RSRC1: variants seen among roughly 807,000 people sequenced by gnomAD.
The protein encoded by RSRC1 is arginine and serine rich coiled-coil 1, also known as serine/Arginine-related protein 53.
Under a neutral mutation model 49.1 loss-of-function variants are expected in RSRC1, and 39 were observed. That is an observed-to-expected ratio of 0.79 (90% CI 0.61 to 1.04). RSRC1 has a LOEUF of 1.04. Among genes scored for constraint, RSRC1 ranks in the 50% least tolerant of loss-of-function variants. The pLI, the probability that RSRC1 is intolerant of heterozygous loss-of-function variation, is 0.00. For missense variants in RSRC1, 388 were observed against 402.4 expected, an observed-to-expected ratio of 0.96 and a Z score of 0.31; for synonymous variants, 143 against 130.8, an observed-to-expected ratio of 1.09 and a Z score of -0.63.
chr3:158,386,879 G>T (rs1732997123), intron 6 of RSRC1, among the ~76,000 whole-genome samples: 1 of 149,352 alleles, frequency 6.7e-6, no homozygotes. Context: ...TCATCGAAAA[G>T]AATGGCTTTA....
chr3:158,120,136 T>C (rs1290470705), intron 1 of RSRC1, among the ~76,000 whole-genome samples: 1 of 152,178 alleles, frequency 6.6e-6, no homozygotes, highest in African/African-American at 2.4e-5. Context: ...GCCACTTTCA[T>C]AGTCATTTTA....
At chr3:158,332,068 A>G (rs373082112) in intron 5 of RSRC1, among the ~76,000 whole-genome samples, 6 of 152,226 alleles carry the variant, frequency 3.9e-5, no homozygotes, top group Admixed American at 1.3e-4. Context: ...ACTAGCAAGA[A>G]AGAGAGAGGG....
At chr3:158,209,201 G>A (rs777942495) in intron 4 of RSRC1, among the ~76,000 whole-genome samples, 21 of 152,194 alleles carry the variant, frequency 1.4e-4, no homozygotes, top group Admixed American at 2.6e-4. Context: ...TTGCGGCAGT[G>A]TTGGGAGGTG....
chr3:158,439,060 A>T (rs528770512), intron 6 of RSRC1, among the ~76,000 whole-genome samples: 13 of 152,140 alleles, frequency 8.5e-5, no homozygotes, highest in Non-Finnish European at 1.8e-4. Flanking sequence ...GACACATGAA[A>T]AAATGCTCAT....
intron 7 of RSRC1, among the ~76,000 whole-genome samples, chr3:158,497,389 T>G (rs1739382115): frequency 6.6e-6 from 1 of 151,180 alleles, no homozygotes; most frequent in Non-Finnish European, 1.5e-5. Context: ...TAGTCTTCTA[T>G]CCCTTGCCCC....
intron 3 of RSRC1, among the ~76,000 whole-genome samples, chr3:158,145,506 G>C (rs537445510): frequency 1.9e-4 from 29 of 152,188 alleles, no homozygotes; most frequent in South Asian, 8.3e-4. Context: ...TGTTTTGGTA[G>C]CAGTACCATG....
rs189024303 is a variant in RSRC1 at position 158,323,262 on chromosome 3, G to C, written c.531+25187G>C. Among the ~76,000 whole-genome samples, 355 of 152,186 alleles carry C rather than the reference G, an allele frequency of 2.3e-3. 4 individuals are homozygous for C. The highest frequency in any genetic ancestry group is 1.2e-3 in the Non-Finnish European group (80 of 68,004). Reference sequence around the variant, plus strand: ...TCAGCTTGGATTTTGAGTGTTTATTGATATTGTCTGCTTTTTTAGCATGGC... The same window carrying C: ...TCAGCTTGGATTTTGAGTGTTTATTCATATTGTCTGCTTTTTTAGCATGGC... On this transcript the variant is annotated intron_variant, in intron 5 of 9. Transcript: ENST00000611884.
intron 7 of RSRC1, among the ~76,000 whole-genome samples, chr3:158,521,642 C>T (rs1197809921): frequency 1.3e-5 from 2 of 152,080 alleles, no homozygotes; most frequent in Non-Finnish European, 1.5e-5. Context: ...ACTTAGAGCA[C>T]TAATATTCAC....
intron 3 of RSRC1, among the ~76,000 whole-genome samples, chr3:158,128,823 C>T (rs1473044909): frequency 2.0e-5 from 3 of 152,136 alleles, no homozygotes; most frequent in African/African-American, 7.2e-5. Context: ...ATGACTTTGG[C>T]ACTTTTGAGG....
intron 6 of RSRC1, among the ~76,000 whole-genome samples, chr3:158,444,318 C>T (rs1736561921): frequency 6.6e-6 from 1 of 152,038 alleles, no homozygotes. Context: ...AGATATAGAC[C>T]AATGGAACAG....
intron 5 of RSRC1, among the ~76,000 whole-genome samples, chr3:158,345,947 C>T (rs1181665907): frequency 6.6e-6 from 1 of 151,504 alleles, no homozygotes; most frequent in Non-Finnish European, 1.5e-5. Flanking sequence ...GGTGCTGGAA[C>T]AATTGGATAG....
chr3:158,453,395 T>C (rs76298878), intron 6 of RSRC1, among the ~76,000 whole-genome samples: 2 of 151,708 alleles, frequency 1.3e-5, no homozygotes, highest in Non-Finnish European at 2.9e-5. Context: ...TTTTTTTTTT[T>C]TTCGAGTCGG....
chr3:158,239,791 G>A (rs1434103858), intron 4 of RSRC1, among the ~76,000 whole-genome samples: 2 of 151,822 alleles, frequency 1.3e-5, no homozygotes, highest in African/African-American at 4.8e-5. Flanking sequence ...TTAATTCTTT[G>A]GTCAGATATG....
chr3:158,422,399 G>A (rs1319720747), intron 6 of RSRC1, among the ~76,000 whole-genome samples: 23 of 151,320 alleles, frequency 1.5e-4, no homozygotes, highest in South Asian at 4.2e-4. Flanking sequence ...TACAAAGGAC[G>A]TGAACTCATC....
chr3:158,156,503 G>A (rs2108218853), intron 3 of RSRC1, among the ~76,000 whole-genome samples: 1 of 152,300 alleles, frequency 6.6e-6, no homozygotes, highest in Middle Eastern at 3.4e-3. Context: ...ACTTTTCAGT[G>A]CAAGAGGCCT....
intron 3 of RSRC1, among the ~76,000 whole-genome samples, chr3:158,158,754 A>G (rs1185722837): frequency 1.3e-5 from 2 of 152,102 alleles, no homozygotes; most frequent in South Asian, 2.1e-4. Context: ...AGCCTGGCCA[A>G]CATGGTGAAA....
At chr3:158,337,511 A>C (rs959752857) in intron 5 of RSRC1, among the ~76,000 whole-genome samples, 3 of 152,228 alleles carry the variant, frequency 2.0e-5, no homozygotes, top group Non-Finnish European at 4.4e-5. Context: ...TAGGGAAATG[A>C]TGATGAGTTC....
chr3:158,431,579 G>C (rs1439606804), intron 6 of RSRC1, among the ~76,000 whole-genome samples: 1 of 151,798 alleles, frequency 6.6e-6, no homozygotes, highest in Non-Finnish European at 1.5e-5. Flanking sequence ...ATTTCAAATA[G>C]AATATTTTTT....
intron 1 of RSRC1, among the ~76,000 whole-genome samples, chr3:158,118,421 G>C (rs1171806303): frequency 1.0e-5 from 1 of 99,626 alleles, no homozygotes; most frequent in East Asian, 3.0e-4. Context: ...TTCTGTGTGT[G>C]TGTGTGTGTG....
Sources: gnomAD v4.1 joint callset for allele counts (sites outside exome capture counted in the v4.1 genomes callset) on GRCh38, gnomAD v4.1.1 for gene constraint, MANE v1.5 for transcripts, NCBI Gene and HGNC (gene_info 2026-07-23, HGNC 2026-07-21) for gene names.